The following AKR1C8 variants were observed in gnomAD, a reference collection of about 807,000 sequenced individuals.
AKR1C8 encodes aldo-keto reductase family 1 member C-like protein 1.
At chr10:5,175,196 A>G in the AKR1C8 span, among the ~76,000 whole-genome samples, 6 of 143,014 alleles carry the variant, frequency 4.2e-5, no homozygotes, top group Non-Finnish European at 9.0e-5. Flanking sequence ...TCATTGTTCA[A>G]TTCCCACCTA....
chr10:5,115,940 CCTT>C, the AKR1C8 span, among the ~76,000 whole-genome samples: 4 of 152,128 alleles, frequency 2.6e-5, no homozygotes, highest in African/African-American at 9.7e-5. Context: ...TTGATGACTA[CCTT>C]CTTCTACTAC....
chr10:5,160,075 T>C, the AKR1C8 span: 3 of 296,452 alleles, frequency 1.0e-5, 1 homozygote, highest in Admixed American at 5.1e-5. Context: ...TTTGACTTTG[T>C]AAATGCTGGA....
At chr10:5,164,187 T>C in the AKR1C8 span, among the ~76,000 whole-genome samples, 1 of 151,758 alleles carries the variant, frequency 6.6e-6, no homozygotes, top group Admixed American at 6.6e-5. Flanking sequence ...CACTTCAGTC[T>C]CTGATTGGTC....
the AKR1C8 span, among the ~76,000 whole-genome samples, chr10:5,167,883 G>A: frequency 6.6e-6 from 1 of 152,072 alleles, no homozygotes; most frequent in Admixed American, 6.6e-5. Context: ...ACATTTATGT[G>A]TGTGTTTTTA....
At chr10:5,134,967 T>A in the AKR1C8 span, among the ~76,000 whole-genome samples, 8 of 152,246 alleles carry the variant, frequency 5.3e-5, no homozygotes, top group African/African-American at 1.9e-4. Flanking sequence ...CAGACCCCAA[T>A]GCAGAACAAA....
At chr10:5,150,320 G>C in the AKR1C8 span, among the ~76,000 whole-genome samples, 9 of 151,954 alleles carry the variant, frequency 5.9e-5, no homozygotes, top group Non-Finnish European at 1.2e-4. Context: ...AAAATTCTTA[G>C]GATAGCCATG....
the AKR1C8 span, among the ~76,000 whole-genome samples, chr10:5,140,275 G>A: frequency 6.6e-6 from 1 of 152,176 alleles, no homozygotes. Flanking sequence ...AATACCATTT[G>A]ACCCAGCGAT....
At chr10:5,151,921 C>T in the AKR1C8 span, among the ~76,000 whole-genome samples, 1 of 152,082 alleles carries the variant, frequency 6.6e-6, no homozygotes. Context: ...AGGCCAATGA[C>T]CACTCTGGCT....
the AKR1C8 span, among the ~76,000 whole-genome samples, chr10:5,140,278 C>G: frequency 6.6e-6 from 1 of 152,022 alleles, no homozygotes. Context: ...ACCATTTGAC[C>G]CAGCGATCCC....
chr10:5,164,588 C>T, the AKR1C8 span, among the ~76,000 whole-genome samples: 1 of 152,108 alleles, frequency 6.6e-6, no homozygotes, highest in African/African-American at 2.4e-5. Flanking sequence ...GCAAACAAAA[C>T]ACTGGGCCCC....
chr10:5,118,465 T>C, the AKR1C8 span, among the ~76,000 whole-genome samples: 3 of 152,158 alleles, frequency 2.0e-5, no homozygotes, highest in African/African-American at 7.2e-5. Flanking sequence ...CAGATAATTA[T>C]TGTTATGGCC....
chr10:5,181,594 ATG>A, the AKR1C8 span, among the ~76,000 whole-genome samples: 7 of 152,304 alleles, frequency 4.6e-5, no homozygotes, highest in South Asian at 1.4e-3. Flanking sequence ...ATATTTAAAT[ATG>A]TGAGACTGCC....
At chr10:5,136,458 G>GC in the AKR1C8 span, among the ~76,000 whole-genome samples, 18 of 151,958 alleles carry the variant, frequency 1.2e-4, no homozygotes, top group African/African-American at 4.3e-4. Context: ...TGAGGCAGGA[G>GC]ATAAGTTCAA....
At chr10:5,165,332 GA>G in the AKR1C8 span, among the ~76,000 whole-genome samples, 1 of 152,022 alleles carries the variant, frequency 6.6e-6, no homozygotes, top group Non-Finnish European at 1.5e-5. Flanking sequence ...CTTCTACCTG[GA>G]AAAAATCTGG....
the AKR1C8 span, among the ~76,000 whole-genome samples, chr10:5,159,232 A>G: frequency 2.0e-5 from 3 of 152,234 alleles, no homozygotes; most frequent in African/African-American, 7.2e-5. Flanking sequence ...ATAAATTCGC[A>G]TGGCATTAAT....
At chr10:5,146,436 G>C in the AKR1C8 span, among the ~76,000 whole-genome samples, 1 of 152,020 alleles carries the variant, frequency 6.6e-6, no homozygotes, top group South Asian at 2.1e-4. Flanking sequence ...ATTAGCTCAG[G>C]TATTTGAAAT....
At chr10:5,135,508 AATCT>A in the AKR1C8 span, among the ~76,000 whole-genome samples, 59,223 of 151,552 alleles carry the variant, frequency 0.39, 12,332 homozygotes, top group Non-Finnish European at 0.43. Context: ...TTCCATCTGG[AATCT>A]ATCTATCTAT....
the AKR1C8 span, among the ~76,000 whole-genome samples, chr10:5,143,520 A>T: frequency 6.6e-6 from 1 of 152,112 alleles, no homozygotes; most frequent in Non-Finnish European, 1.5e-5. Flanking sequence ...AGCTTTTGAA[A>T]GGTGCTTGGT....
At chr10:5,169,470 A>G in the AKR1C8 span, among the ~76,000 whole-genome samples, 2 of 43,054 alleles carry the variant, frequency 4.6e-5, no homozygotes, top group Admixed American at 2.1e-4. Flanking sequence ...AGATTAATTA[A>G]GCTGGGTAAA....
Sources: allele counts gnomAD v4.1 joint callset (sites outside exome capture counted in the v4.1 genomes callset), GRCh38; gene constraint gnomAD v4.1.1; transcripts MANE v1.5; gene names NCBI Gene and HGNC (gene_info 2026-07-23, HGNC 2026-07-21).